The following WWOX variants were observed in gnomAD, a reference collection of about 807,000 sequenced individuals.
WWOX encodes the protein WW domain containing oxidoreductase.
WWOX carries 69 observed loss-of-function variants against 46.2 expected under a neutral mutation model. That is an observed-to-expected ratio of 1.49 (90% CI 1.23 to 1.82). The LOEUF is 1.82. Among genes scored for constraint, WWOX ranks in the 40% most tolerant of loss-of-function variants. WWOX has a pLI of 0.00. For synonymous variants in WWOX, 359 were observed against 202.6 expected, an observed-to-expected ratio of 1.77 and a Z score of -6.56; for missense variants, 919 against 542.6, an observed-to-expected ratio of 1.69 and a Z score of -6.89.
intron 4 of WWOX, among the ~76,000 whole-genome samples, chr16:78,132,272 C>T (rs1597245762): frequency 6.7e-6 from 1 of 149,220 alleles, no homozygotes; most frequent in Non-Finnish European, 1.5e-5. Context: ...GTGATCTGCC[C>T]ACCTCAGCCT....
intron 8 of WWOX, among the ~76,000 whole-genome samples, chr16:78,873,915 A>C (rs192984949): frequency 6.6e-6 from 1 of 152,112 alleles, no homozygotes. Flanking sequence ...GTCTCTGAAG[A>C]CTTCATTCTA....
At chr16:79,141,554 C>T (rs1342891200) in intron 8 of WWOX, among the ~76,000 whole-genome samples, 2 of 152,222 alleles carry the variant, frequency 1.3e-5, no homozygotes, top group Non-Finnish European at 1.5e-5. Flanking sequence ...GAAGTTTTAC[C>T]AGCTCTTTGG....
intron 5 of WWOX, among the ~76,000 whole-genome samples, chr16:78,329,785 C>T (rs1416005600): frequency 6.9e-6 from 1 of 145,636 alleles, no homozygotes; most frequent in Non-Finnish European, 1.5e-5. Flanking sequence ...CTTGCTTTGT[C>T]ACCCTGGCTC....
intron 5 of WWOX, among the ~76,000 whole-genome samples, chr16:78,349,921 T>C (rs2081156187): frequency 8.2e-6 from 1 of 121,330 alleles, no homozygotes; most frequent in Non-Finnish European, 2.0e-5. Context: ...TTTCGGTTTG[T>C]GTTATGGAAG....
chr16:78,285,067 G>A (rs968188359), intron 5 of WWOX, among the ~76,000 whole-genome samples: 4 of 152,168 alleles, frequency 2.6e-5, no homozygotes, highest in African/African-American at 9.7e-5. Flanking sequence ...GGGCACTTCT[G>A]AAAAGGGGCA....
intron 5 of WWOX, among the ~76,000 whole-genome samples, chr16:78,325,270 G>A (rs978239537): frequency 5.3e-5 from 8 of 152,166 alleles, no homozygotes; most frequent in African/African-American, 1.9e-4. Context: ...TCTGATCACA[G>A]GTGTTGTTAA....
chr16:78,612,206 C>A (rs2045917467), intron 8 of WWOX, among the ~76,000 whole-genome samples: 1 of 152,182 alleles, frequency 6.6e-6, no homozygotes, highest in South Asian at 2.1e-4. Flanking sequence ...GTGATTCTAA[C>A]AAAGAGGTGT....
chr16:78,782,062 G>A (rs952740587), intron 8 of WWOX, among the ~76,000 whole-genome samples: 28 of 152,282 alleles, frequency 1.8e-4, no homozygotes, highest in Non-Finnish European at 1.5e-4. Context: ...TGGAAGGGTA[G>A]GTGGCGGCTG....
intron 8 of WWOX, among the ~76,000 whole-genome samples, chr16:78,704,859 G>T (rs1032776861): frequency 8.6e-5 from 13 of 151,678 alleles, no homozygotes; most frequent in African/African-American, 3.2e-4. Context: ...GGCTTCTTTT[G>T]TGGGCCACCC....
chr16:78,528,856 C>T (rs776241602), intron 8 of WWOX, among the ~76,000 whole-genome samples: 1 of 151,926 alleles, frequency 6.6e-6, no homozygotes, highest in Non-Finnish European at 1.5e-5. Flanking sequence ...CCTCAGCCAT[C>T]TTGGATTCCC....
At chr16:78,124,019 T>C (rs2033247624) in intron 4 of WWOX, 2 of 152,170 alleles carry the variant, frequency 1.3e-5, no homozygotes. Flanking sequence ...TGTGTAATTA[T>C]GGTTTGAGGC....
intron 8 of WWOX, among the ~76,000 whole-genome samples, chr16:78,437,567 G>A (rs1455645241): frequency 6.6e-6 from 1 of 150,982 alleles, no homozygotes; most frequent in Non-Finnish European, 1.5e-5. Flanking sequence ...CCATGTCTCT[G>A]CCTCCCTCTT....
chr16:79,043,351 A>C (rs1164770412), intron 8 of WWOX, among the ~76,000 whole-genome samples: 1 of 152,128 alleles, frequency 6.6e-6, no homozygotes, highest in Non-Finnish European at 1.5e-5. Context: ...ATTTATGAAA[A>C]ATTTTTCTGC....
At chr16:78,443,384 C>T (rs1401733883) in intron 8 of WWOX, among the ~76,000 whole-genome samples, 2 of 152,252 alleles carry the variant, frequency 1.3e-5, no homozygotes, top group East Asian at 1.9e-4. Flanking sequence ...CTCATCAGAA[C>T]TCAGCAGGCT....
At chr16:78,390,473 G>A (rs1474930833) in intron 6 of WWOX, among the ~76,000 whole-genome samples, 2 of 152,172 alleles carry the variant, frequency 1.3e-5, no homozygotes, top group Non-Finnish European at 2.9e-5. Context: ...GAGAAACAAG[G>A]GTGATTTTCC....
intron 8 of WWOX, among the ~76,000 whole-genome samples, chr16:79,173,140 T>A (rs928159355): frequency 1.3e-5 from 2 of 152,214 alleles, no homozygotes; most frequent in Non-Finnish European, 2.9e-5. Context: ...TTGACACACA[T>A]GTGTGCCCAT....
In WWOX at chr16:78,937,448, CTTTTTTTTTTT is replaced by C. The variant is rs537642648; in HGVS notation, c.1057-274144_1057-274134del. Among the ~76,000 whole-genome samples, 30 of 81,994 alleles carry C rather than the reference CTTTTTTTTTTT, an allele frequency of 3.7e-4. 1 individual carries two copies. The South Asian group carries it at 4.6e-3, about 13-fold the overall frequency. 53.8% of individuals were successfully genotyped at this position (81,994 alleles called of 152,430 possible). A position where few individuals can be genotyped will look rare whatever the true frequency, so the allele number is the denominator to read the frequency against. The stretch of plus-strand genomic sequence containing the variant: ...TTAGAGAACTTTGTATTTGTATTAA[CTTTTTTTTTTT>C]TTTTTTTTTTTTTTTAATAGCGATG... On this transcript the variant is annotated intron_variant, in intron 8 of 8. Transcript: ENST00000566780.
chr16:78,746,201 T>C (rs1374859222), intron 8 of WWOX, among the ~76,000 whole-genome samples: 3 of 152,138 alleles, frequency 2.0e-5, no homozygotes, highest in Non-Finnish European at 4.4e-5. Context: ...CGTAGTTGGG[T>C]CTAAAGTACA....
At chr16:79,042,728 G>GTTTTTTTTTTTTTTTTTTTT (rs11379084) in intron 8 of WWOX, among the ~76,000 whole-genome samples, 2 of 143,126 alleles carry the variant, frequency 1.4e-5, no homozygotes, top group African/African-American at 2.6e-5. Context: ...AATACTCAGG[G>GTTTTTTTTTTTTTTTTTTTT]TTTTTTTTTT....
Sources: gnomAD v4.1 joint callset for allele counts (sites outside exome capture counted in the v4.1 genomes callset) on GRCh38, gnomAD v4.1.1 for gene constraint, MANE v1.5 for transcripts, NCBI Gene and HGNC (gene_info 2026-07-23, HGNC 2026-07-21) for gene names.